SLC24A2: variants seen among roughly 807,000 people sequenced by gnomAD.
SLC24A2 encodes the protein solute carrier family 24 member 2.
SLC24A2 carries 36 observed loss-of-function variants against 62.0 expected under a neutral mutation model. That is an observed-to-expected ratio of 0.58 (90% CI 0.44 to 0.77). The LOEUF (loss-of-function observed/expected upper bound fraction) is 0.77, where lower values mean the gene tolerates loss of function less well. Ranked by LOEUF, SLC24A2 falls within the 30% of genes least tolerant of loss-of-function variation. SLC24A2 has a pLI of 0.00. For synonymous variants in SLC24A2, 358 were observed against 294.0 expected (o/e 1.22, Z -2.23); for missense variants, 846 against 817.9 (o/e 1.03, Z -0.42).
chr9:20,150,302 A>G, the SLC24A2 span, among the ~76,000 whole-genome samples: 110 of 152,092 alleles, frequency 7.2e-4, 1 homozygote, highest in African/African-American at 2.4e-3. Context: ...AAAATGAAAT[A>G]TTTATTCTTA....
the SLC24A2 span, among the ~76,000 whole-genome samples, chr9:19,985,102 C>T: frequency 6.6e-6 from 1 of 151,728 alleles, no homozygotes; most frequent in African/African-American, 2.4e-5. Context: ...GGATTTAGAG[C>T]ATCTAAAAAT....
the SLC24A2 span, among the ~76,000 whole-genome samples, chr9:20,252,737 C>T: frequency 2.6e-5 from 4 of 152,132 alleles, no homozygotes; most frequent in Non-Finnish European, 5.9e-5. Flanking sequence ...TTGTTGTTGT[C>T]TTTTCCCCTT....
the SLC24A2 span, among the ~76,000 whole-genome samples, chr9:19,818,734 G>A: frequency 1.3e-5 from 2 of 152,080 alleles, no homozygotes; most frequent in African/African-American, 4.8e-5. Context: ...CATGCTCATG[G>A]ACAGATGGAA....
At chr9:19,863,394 A>G in the SLC24A2 span, among the ~76,000 whole-genome samples, 1 of 152,068 alleles carries the variant, frequency 6.6e-6, no homozygotes, top group Non-Finnish European at 1.5e-5. Flanking sequence ...AAATGGATCT[A>G]ATAGTTATTT....
At chr9:20,182,157 G>T in the SLC24A2 span, among the ~76,000 whole-genome samples, 1 of 152,140 alleles carries the variant, frequency 6.6e-6, no homozygotes, top group Non-Finnish European at 1.5e-5. Context: ...TGGTTAAATA[G>T]GAACGCTTTT....
At chr9:19,545,402 T>C (rs1834502528) in intron 8 of SLC24A2, among the ~76,000 whole-genome samples, 1 of 152,106 alleles carries the variant, frequency 6.6e-6, no homozygotes, top group African/African-American at 2.4e-5. Flanking sequence ...GAGTTTGTTA[T>C]TACCCACTTT....
At chr9:19,833,257 G>T in the SLC24A2 span, among the ~76,000 whole-genome samples, 1 of 152,158 alleles carries the variant, frequency 6.6e-6, no homozygotes, top group East Asian at 1.9e-4. Flanking sequence ...TGCACTGTGT[G>T]TGAGCCAAAG....
At chr9:19,946,443 T>G in the SLC24A2 span, among the ~76,000 whole-genome samples, 1 of 152,184 alleles carries the variant, frequency 6.6e-6, no homozygotes, top group East Asian at 1.9e-4. Flanking sequence ...GAAGTTTATT[T>G]AGTGCAAGGA....
In SLC24A2 at chr9:19,736,803, G is replaced by A. The variant is rs1354618339; in HGVS notation, c.930+49134C>T. Among the ~76,000 whole-genome samples, 3 of 152,188 alleles carry A rather than the reference G, an allele frequency of 2.0e-5. No individual in the cohort carries two copies. In the East Asian group the frequency reaches 5.8e-4, roughly 29 times the overall value. On this transcript the variant is annotated intron_variant, in intron 2 of 10. Transcript: ENST00000341998. ...GGAGTTTAAAATTATAGTAAGCTAT[G>A]ATCATGCCACTGTACTTCAGCCTGG...
intron 2 of SLC24A2, among the ~76,000 whole-genome samples, chr9:19,762,443 T>C (rs1267404489): frequency 2.6e-5 from 4 of 152,216 alleles, no homozygotes; most frequent in African/African-American, 7.2e-5. Flanking sequence ...TGGTTTTAGG[T>C]CTTACGTTTA....
chr9:19,956,284 T>C, the SLC24A2 span, among the ~76,000 whole-genome samples: 1 of 152,174 alleles, frequency 6.6e-6, no homozygotes, highest in Admixed American at 6.5e-5. Flanking sequence ...GCTCCATAAT[T>C]TGTTAATGCT....
At chr9:20,220,357 C>G in the SLC24A2 span, among the ~76,000 whole-genome samples, 3 of 152,240 alleles carry the variant, frequency 2.0e-5, no homozygotes, top group South Asian at 2.1e-4. Context: ...CGGATGCACC[C>G]CCGTGCTGAC....
the SLC24A2 span, among the ~76,000 whole-genome samples, chr9:20,017,226 T>C: frequency 1.3e-5 from 2 of 152,268 alleles, no homozygotes; most frequent in African/African-American, 4.8e-5. Flanking sequence ...TTTCACCACG[T>C]TGCCCAGACT....
chr9:20,185,582 G>A, the SLC24A2 span, among the ~76,000 whole-genome samples: 6 of 150,448 alleles, frequency 4.0e-5, no homozygotes, highest in Non-Finnish European at 3.0e-5. Flanking sequence ...GGAGAATGGC[G>A]TGAACCCGGG....
the SLC24A2 span, among the ~76,000 whole-genome samples, chr9:20,254,839 G>C: frequency 1.3e-5 from 2 of 152,158 alleles, no homozygotes; most frequent in Non-Finnish European, 2.9e-5. Context: ...ACATGGCTGG[G>C]GAGGCCTCAC....
chr9:19,714,467 A>G (rs974607120), intron 2 of SLC24A2, among the ~76,000 whole-genome samples: 10 of 148,582 alleles, frequency 6.7e-5, no homozygotes, highest in African/African-American at 1.5e-4. Context: ...ATAAATCGCC[A>G]TCTTTACTTC....
chr9:19,595,923 G>T, intron 5 of SLC24A2, among the ~76,000 whole-genome samples: 1 of 152,078 alleles, frequency 6.6e-6, no homozygotes, highest in East Asian at 1.9e-4. Flanking sequence ...CTATCCCCTT[G>T]GTAGCAGGTA....
the SLC24A2 span, among the ~76,000 whole-genome samples, chr9:20,031,274 C>CAT: frequency 3.3e-4 from 49 of 146,918 alleles, no homozygotes; most frequent in South Asian, 1.1e-3. Flanking sequence ...TGTGTGTGCG[C>CAT]ATATATATAT....
chr9:19,653,491 C>T (rs7865077), intron 2 of SLC24A2, among the ~76,000 whole-genome samples: 104,585 of 152,042 alleles, frequency 0.69, 36,165 homozygotes, highest in South Asian at 0.75. Flanking sequence ...TGTGTGAATG[C>T]ATATCCTCAT....
Sources: gnomAD v4.1 joint callset for allele counts (sites outside exome capture counted in the v4.1 genomes callset) on GRCh38, gnomAD v4.1.1 for gene constraint, MANE v1.5 for transcripts, NCBI Gene and HGNC (gene_info 2026-07-23, HGNC 2026-07-21) for gene names.